The following EYS variants were observed in gnomAD, a reference collection of about 807,000 sequenced individuals.
EYS encodes the protein EGF-like photoreceptor maintenance factor, also known as protein eyes shut homolog.
A neutral mutation model predicts 282.1 loss-of-function variants in EYS; 250 were observed. The ratio of observed to expected loss-of-function variants is 0.89; its 90% CI spans 0.80 to 0.98. EYS has a LOEUF of 0.98. Ranked by LOEUF, EYS falls within the 50% of genes least tolerant of loss-of-function variation. The pLI is 0.00. For missense variants in EYS, 4,016 were observed against 3,709.0 expected (o/e 1.08, Z -2.15); for synonymous variants, 1,355 against 1,282.9 (o/e 1.06, Z -1.20).
At chr6:64,329,667 C>A (rs1036967040) in intron 29 of EYS, among the ~76,000 whole-genome samples, 1 of 151,972 alleles carries the variant, frequency 6.6e-6, no homozygotes, top group Non-Finnish European at 1.5e-5. Flanking sequence ...AGAAGCCACC[C>A]ATGGGATTAC....
chr6:65,395,874 T>C (rs1766261711), intron 7 of EYS, among the ~76,000 whole-genome samples: 1 of 152,122 alleles, frequency 6.6e-6, no homozygotes, highest in Non-Finnish European at 1.5e-5. Context: ...TCAACCCCAA[T>C]TGCCTGAAAA....
intron 39 of EYS, among the ~76,000 whole-genome samples, chr6:63,784,809 T>C (rs1490128839): frequency 6.6e-6 from 1 of 152,170 alleles, no homozygotes; most frequent in Non-Finnish European, 1.5e-5. Context: ...TCAGTTATTA[T>C]TCTAGAGTTG....
chr6:64,847,283 ATGTG>A (rs79270631), intron 19 of EYS, among the ~76,000 whole-genome samples: 3 of 149,482 alleles, frequency 2.0e-5, no homozygotes, highest in East Asian at 2.0e-4. Flanking sequence ...TATGTATATT[ATGTG>A]TGTGTGTGTG....
At chr6:64,957,473 TA>T (rs568593684) in intron 14 of EYS, among the ~76,000 whole-genome samples, 72 of 142,758 alleles carry the variant, frequency 5.0e-4, no homozygotes, top group Middle Eastern at 3.6e-3. Flanking sequence ...GGTTAATGGA[TA>T]AAAAAAAAAA....
chr6:64,397,632 G>T (rs901355682), intron 28 of EYS, among the ~76,000 whole-genome samples: 1 of 151,722 alleles, frequency 6.6e-6, no homozygotes, highest in Non-Finnish European at 1.5e-5. Context: ...CCATTTTTTG[G>T]TATGGTATTT....
chr6:65,405,513 T>C (rs1766699844), intron 5 of EYS, 146 bp from the exon 6 acceptor site: 3 of 686,858 alleles, frequency 4.4e-6, no homozygotes, highest in African/African-American at 1.8e-5. Flanking sequence ...GTGTAAGTTA[T>C]ATATTATAAA....
chr6:65,642,271 C>T (rs1767300411), intron 1 of EYS, among the ~76,000 whole-genome samples: 1 of 151,850 alleles, frequency 6.6e-6, no homozygotes, highest in African/African-American at 2.4e-5. Flanking sequence ...ACTTTATGTA[C>T]CTGGCTACCT....
intron 5 of EYS, among the ~76,000 whole-genome samples, chr6:65,470,697 A>T (rs1765177659): frequency 6.6e-6 from 1 of 152,192 alleles, no homozygotes; most frequent in Non-Finnish European, 1.5e-5. Flanking sequence ...ACTGATGATT[A>T]TATGTTAGTA....
intron 13 of EYS, among the ~76,000 whole-genome samples, chr6:65,016,875 G>A (rs1772074044): frequency 6.6e-6 from 1 of 152,154 alleles, no homozygotes; most frequent in South Asian, 2.1e-4. Context: ...CTAAACAGAA[G>A]ATCTAGCTAA....
chr6:64,909,082 G>C (rs973948657), intron 16 of EYS, among the ~76,000 whole-genome samples: 5 of 152,070 alleles, frequency 3.3e-5, no homozygotes, highest in African/African-American at 1.2e-4. Context: ...TACTTTAATG[G>C]TTAATTAACT....
At position 63,969,590 on chromosome 6, in the gene EYS, A is replaced by G. The variant is rs77898130; in HGVS notation, c.7055+14793T>C. Among the ~76,000 whole-genome samples the G allele has an allele frequency of 1.6e-3, 240 of 152,348 alleles. 3 individuals are homozygous for G. The East Asian group carries it at 0.034, about 22-fold the overall frequency. On this transcript the variant is annotated intron_variant, in intron 35 of 42. Transcript: ENST00000503581. ...TTATTTTGTTCTCTGAGTACATATC[A>G]TTAGGATAAAAATAAACACATTTGA...
chr6:64,511,398 A>G (rs1169389143), intron 26 of EYS, among the ~76,000 whole-genome samples: 1 of 151,602 alleles, frequency 6.6e-6, no homozygotes, highest in Non-Finnish European at 1.5e-5. Flanking sequence ...GTCCCTTAGG[A>G]GGAAATCGCA....
At chr6:63,998,751 A>C (rs903456934) in intron 34 of EYS, among the ~76,000 whole-genome samples, 2 of 151,308 alleles carry the variant, frequency 1.3e-5, no homozygotes, top group Non-Finnish European at 2.9e-5. Context: ...TTTTTAAAAA[A>C]TTGTCATATT....
intron 13 of EYS, among the ~76,000 whole-genome samples, chr6:65,009,900 C>T (rs376944746): frequency 4.6e-5 from 7 of 152,202 alleles, no homozygotes; most frequent in East Asian, 3.9e-4. Flanking sequence ...CCTAAAGCAA[C>T]TAAGAGGTTC....
intron 13 of EYS, among the ~76,000 whole-genome samples, chr6:65,033,874 A>AG (rs2150145318): frequency 6.6e-6 from 1 of 152,288 alleles, no homozygotes; most frequent in African/African-American, 2.4e-5. Context: ...ATCCACTGAC[A>AG]GCTTGCACCC....
At chr6:64,106,640 G>A (rs1773022107) in intron 31 of EYS, among the ~76,000 whole-genome samples, 1 of 151,886 alleles carries the variant, frequency 6.6e-6, no homozygotes, top group Non-Finnish European at 1.5e-5. Flanking sequence ...GTGTGTGTGT[G>A]TGTGTCTGTG....
rs1272664835 is a variant in EYS, at chr6:64,321,222, C to A, written c.6079-14140G>T. Among the ~76,000 whole-genome samples, 4 of 151,616 alleles carry A rather than the reference C, an allele frequency of 2.6e-5. No individual in the cohort carries two copies. In the East Asian group the frequency reaches 7.7e-4, roughly 29 times the overall value. On this transcript the variant is annotated intron_variant, in intron 29 of 42. Transcript: ENST00000503581. Reference sequence around the variant, plus strand: ...ACTATGAACACTTATTAATTTTAATCTTTTAAACATTTACAGTCTCTCCAC... The same window carrying A: ...ACTATGAACACTTATTAATTTTAATATTTTAAACATTTACAGTCTCTCCAC...
intron 5 of EYS, among the ~76,000 whole-genome samples, chr6:65,480,514 C>A: frequency 6.6e-6 from 1 of 152,024 alleles, no homozygotes; most frequent in South Asian, 2.1e-4. Flanking sequence ...TCTGCCATTT[C>A]CTCAAATGGT....
At chr6:64,557,217 T>TACACACAC (rs3994994) in intron 26 of EYS, among the ~76,000 whole-genome samples, 6 of 147,920 alleles carry the variant, frequency 4.1e-5, no homozygotes, top group South Asian at 2.1e-4. Context: ...CACACACACA[T>TACACACAC]ACACACACAC....
Sources: allele counts gnomAD v4.1 joint callset (sites outside exome capture counted in the v4.1 genomes callset), GRCh38; gene constraint gnomAD v4.1.1; transcripts MANE v1.5; gene names NCBI Gene and HGNC (gene_info 2026-07-23, HGNC 2026-07-21).